ATRN: variants seen among roughly 807,000 people sequenced by gnomAD.
ATRN encodes attractin-2.
A neutral mutation model predicts 178.7 loss-of-function variants in ATRN; 54 were observed. The observed-to-expected ratio is 0.30, with a 90% confidence interval of 0.24 to 0.38. The LOEUF is 0.38. ATRN is among the 10% of genes least tolerant of loss of function. The pLI is 1.00. For synonymous variants in ATRN, 636 were observed against 663.0 expected, an observed-to-expected ratio of 0.96 and a Z score of 0.63; for missense variants, 1,443 against 1,815.1, an observed-to-expected ratio of 0.79 and a Z score of 3.73.
chr20:3,512,107 A>ATATATATATATATTTTTT, intron 1 of ATRN, among the ~76,000 whole-genome samples: 5 of 106,394 alleles, frequency 4.7e-5, no homozygotes, highest in African/African-American at 1.3e-4. Flanking sequence ...ATATATATAT[A>ATATATATATATATTTTTT]TTTTTTTTTT....
chr20:3,514,820 G>A (rs1207558484), intron 1 of ATRN, among the ~76,000 whole-genome samples: 1 of 152,096 alleles, frequency 6.6e-6, no homozygotes, highest in African/African-American at 2.4e-5. Flanking sequence ...ATCCAGGCAT[G>A]GTGGTGTGTG....
intron 1 of ATRN, among the ~76,000 whole-genome samples, chr20:3,487,421 CAG>C (rs1266443127): frequency 2.6e-5 from 4 of 152,110 alleles, no homozygotes; most frequent in Middle Eastern, 6.8e-3. Context: ...TTAGTAGAGA[CAG>C]GGTTTCACCA....
chr20:3,633,148 T>G lies in ATRN; in HGVS notation c.3864-1163T>G, dbSNP rs565710607. 4.2e-5 allele frequency among the ~76,000 whole-genome samples: 5 copies of G among 118,738 alleles called. No homozygotes were observed. The East Asian group carries it at 1.0e-3, about 24-fold the overall frequency. 77.9% of individuals were successfully genotyped at this position (118,738 alleles called of 152,430 possible). The stretch of plus-strand genomic sequence containing the variant: ...AGACTGTGTCTCAAAAAAAAGACAA[T>G]GTAGACTGTCAGAAGAGTTGGCAGT... On this transcript the variant is annotated intron_variant, in intron 25 of 28. Coordinates refer to ENST00000262919, the MANE Select transcript of ATRN (RefSeq NM_139321.3).
intron 1 of ATRN, among the ~76,000 whole-genome samples, chr20:3,527,716 A>G (rs1261253709): frequency 6.6e-6 from 1 of 152,188 alleles, no homozygotes; most frequent in East Asian, 1.9e-4. Context: ...TGTGGCACAT[A>G]TACACCATGG....
intron 24 of ATRN, among the ~76,000 whole-genome samples, chr20:3,612,901 T>C (rs1325454293): frequency 2.6e-5 from 4 of 152,212 alleles, no homozygotes; most frequent in African/African-American, 9.6e-5. Flanking sequence ...ATAAGCAGGC[T>C]TTTGTGCTGG....
At chr20:3,504,121 A>G (rs1002979559) in intron 1 of ATRN, among the ~76,000 whole-genome samples, 3 of 152,182 alleles carry the variant, frequency 2.0e-5, no homozygotes, top group East Asian at 1.9e-4. Context: ...AGGACAAGAC[A>G]TGATATTTTT....
At chr20:3,504,916 A>G (rs1169977894) in intron 1 of ATRN, among the ~76,000 whole-genome samples, 1 of 152,106 alleles carries the variant, frequency 6.6e-6, no homozygotes, top group Non-Finnish European at 1.5e-5. Context: ...GCAGATTATT[A>G]TAAGCCGTAT....
At chr20:3,488,698 A>G (rs1442371602) in intron 1 of ATRN, among the ~76,000 whole-genome samples, 2 of 152,162 alleles carry the variant, frequency 1.3e-5, no homozygotes, top group Admixed American at 6.5e-5. Context: ...TTCTTGGTCC[A>G]TGGCATTTCC....
chr20:3,596,303 G>A, intron 20 of ATRN, 74 bp from the exon 21 acceptor site: 2 of 1,397,996 alleles, frequency 1.4e-6, no homozygotes, highest in South Asian at 2.4e-5. Context: ...TATATAAAAG[G>A]ATCTGTTTGG....
Position 3,565,400 on chromosome 20 carries a change from C to A in ATRN, c.1839C>A (p.Asn613Lys), listed in dbSNP as rs750546978. 3.1e-6 allele frequency: 5 copies of A among 1,614,108 alleles called. No homozygotes were observed. The highest frequency in any genetic ancestry group is 4.2e-6 in the Non-Finnish European group (5 of 1,179,976). Residue 613 changes from asparagine to lysine, a missense_variant, in exon 11 of 29, where the codon AAC (asparagine) becomes AAA (lysine). Physicochemically the swap from Asn to Lys is moderately conservative, Grantham distance 94. This residue lies in a region of ATRN where 862 missense variants were observed against 972.1 expected (regional missense o/e 0.89). Coordinates refer to ENST00000262919, the MANE Select transcript of ATRN (RefSeq NM_139321.3). ...LPRPDLHHDVNRFGHSAVLHN... is the reference protein window; with the variant it reads ...LPRPDLHHDVKRFGHSAVLHN... Reference sequence around the variant, plus strand: ...GACCTGATCTCCACCATGATGTCAACAGATTTGGCCATTCAGCAGTCTTAC... The same window carrying A: ...GACCTGATCTCCACCATGATGTCAAAAGATTTGGCCATTCAGCAGTCTTAC...
intron 7 of ATRN, among the ~76,000 whole-genome samples, chr20:3,560,210 C>A (rs534732543): frequency 6.6e-6 from 1 of 152,182 alleles, no homozygotes; most frequent in South Asian, 2.1e-4. Flanking sequence ...ATGAGATCCA[C>A]TTTTTTAGTT....
Position 3,597,897 on chromosome 20 carries a change from T to G in ATRN, c.3470-9T>G. The G allele has an allele frequency of 6.4e-7, 1 of 1,551,824 alleles. No individual in the cohort carries two copies. The highest frequency in any genetic ancestry group is 8.9e-7 in the Non-Finnish European group (1 of 1,127,214). ...TAGTTTTTAAATATGCATTTCTTTC[T>G]TTCCATAGATACTCTTCTTATTGAC... On this transcript the variant is annotated splice_polypyrimidine_tract_variant and intron_variant, in intron 21 of 28. Transcript: ENST00000262919.
intron 18 of ATRN, among the ~76,000 whole-genome samples, chr20:3,585,216 C>T (rs1004964404): frequency 1.2e-4 from 19 of 152,296 alleles, no homozygotes; most frequent in African/African-American, 4.3e-4. Context: ...TCAAGAACTT[C>T]TCTAAGAGCC....
chr20:3,591,333 A>G, intron 19 of ATRN, 27 bp downstream of exon 19: 1 of 1,605,426 alleles, frequency 6.2e-7, no homozygotes, highest in Non-Finnish European at 8.5e-7. Flanking sequence ...AGGTTTACTC[A>G]TGGCAAATCG....
intron 1 of ATRN, chr20:3,490,773 G>T: frequency 3.8e-6 from 3 of 790,560 alleles, no homozygotes; most frequent in Non-Finnish European, 4.7e-6. Context: ...ATAGAATTCA[G>T]CAAACTCACT....
At position 3,592,420 on chromosome 20, in the gene ATRN, A is replaced by G. The variant is rs968377080; in HGVS notation, c.3322+1114A>G. On this transcript the variant is annotated intron_variant, in intron 19 of 28. Transcript: ENST00000262919. ...GTCTCAAAAAAAAAAAAAAAGAAAA[A>G]AAAAAAAGTCCTGTGTTTCCCCATT... 36 of 982,930 alleles carry G rather than the reference A, an allele frequency of 3.7e-5. No individual in the cohort carries two copies. In the East Asian group the frequency reaches 6.8e-4, roughly 19 times the overall value. 60.9% of individuals were successfully genotyped at this position (982,930 alleles called of 1,614,324 possible).
chr20:3,516,650 C>T (rs930582726), intron 1 of ATRN, among the ~76,000 whole-genome samples: 1 of 152,078 alleles, frequency 6.6e-6, no homozygotes. Context: ...CTGAATGAGG[C>T]CTGCTTCCTT....
At chr20:3,550,608 AT>A (rs1188253318) in intron 6 of ATRN, among the ~76,000 whole-genome samples, 3 of 152,190 alleles carry the variant, frequency 2.0e-5, no homozygotes, top group African/African-American at 7.2e-5. Context: ...TGGAAAACAA[AT>A]GCTTTCCTGA....
rs2087113352 is a variant in ATRN, at chr20:3,647,065, T to C, written c.*218T>C. The stretch of plus-strand genomic sequence containing the variant: ...CTTTTACTTTTGCATAGGAAATACT[T>C]GATTTAATTACAGGTCCAGGGATGA... On this transcript the variant is annotated 3_prime_UTR_variant, in exon 29 of 29. Transcript: ENST00000262919. 1 of 547,158 alleles carries C rather than the reference T, an allele frequency of 1.8e-6. No homozygotes were observed. The highest frequency in any genetic ancestry group is 3.6e-5 in the Admixed American group (1 of 27,840). The allele number at this position is 547,158 out of a possible 1,614,324, so 33.9% of individuals were successfully genotyped here.
Sources: allele counts gnomAD v4.1 joint callset (sites outside exome capture counted in the v4.1 genomes callset), GRCh38; gene constraint gnomAD v4.1.1; regional missense constraint gnomAD v4.1.1; transcripts MANE v1.5; gene names NCBI Gene and HGNC (gene_info 2026-07-23, HGNC 2026-07-21).